Variants in FRMPD2 observed in about 807,000 individuals in gnomAD.
FRMPD2 encodes the protein FERM and PDZ domain-containing protein 2.
FRMPD2 carries 96 observed loss-of-function variants against 140.1 expected under a neutral mutation model. The ratio of observed to expected loss-of-function variants is 0.69; its 90% CI spans 0.58 to 0.81. The LOEUF (loss-of-function observed/expected upper bound fraction) is 0.81. Among genes scored for constraint, FRMPD2 ranks in the 40% least tolerant of loss-of-function variants. The probability of loss-of-function intolerance (pLI) is 0.00; values close to 1 mark genes in which losing one functional copy is unlikely to be tolerated. For missense variants in FRMPD2, 1,240 were observed against 1,447.4 expected (o/e 0.86, Z 2.32); for synonymous variants, 449 against 547.6 (o/e 0.82, Z 2.52).
chr10:48,188,342 C>T (rs568910692), intron 16 of FRMPD2, among the ~76,000 whole-genome samples: 126 of 152,094 alleles, frequency 8.3e-4, no homozygotes, highest in African/African-American at 1.4e-3. Flanking sequence ...AGAACAGGGG[C>T]GGTGGGGGGA....
intron 8 of FRMPD2, among the ~76,000 whole-genome samples, chr10:48,237,654 C>A (rs569763102): frequency 6.6e-6 from 1 of 152,118 alleles, no homozygotes; most frequent in Admixed American, 6.5e-5. Context: ...TGCAGAAGGC[C>A]CCTTCCAAAC....
At chr10:48,222,008 G>GGATA (rs1839602561) in intron 12 of FRMPD2, among the ~76,000 whole-genome samples, 2 of 151,002 alleles carry the variant, frequency 1.3e-5, no homozygotes. Context: ...ATGGATGGAT[G>GGATA]GATGGATGGA....
At chr10:48,158,658 C>T (rs1379927577) in intron 28 of FRMPD2, among the ~76,000 whole-genome samples, 1 of 147,650 alleles carries the variant, frequency 6.8e-6, no homozygotes, top group African/African-American at 2.5e-5. Flanking sequence ...TCAGCTTCTT[C>T]CTGCCCTCAC....
In FRMPD2 at chr10:48,260,161, TGATA is replaced by T. The variant is rs569972059; in HGVS notation, c.26-8474_26-8471del. 8.6e-5 allele frequency among the ~76,000 whole-genome samples: 13 copies of T among 151,910 alleles called. No individual in the cohort carries two copies. In the South Asian group the frequency reaches 1.0e-3, roughly 12 times the overall value. ...AATGGCTAAGAATAGATAGATAGAT[TGATA>T]GATAGATAGATCTATATATATATGT... On this transcript the variant is annotated intron_variant, in intron 1 of 28. Transcript: ENST00000374201.
Position 48,201,324 on chromosome 10 carries a change from A to C in FRMPD2, c.1858T>G (p.Ser620Ala). ...AGTAAGTATTTACTGGTCTTGGCTG[A>C]ATCTGTGACAAATGTGTGCTTCTTC... is the stretch of plus-strand genomic sequence containing the variant. The part of the protein sequence containing the change: ...TGKKHTFVTD[S>A]AKTSKYLLDL... Residue 620 changes from serine to alanine, a missense_variant, in exon 15 of 29, where the codon TCA (serine) becomes GCA (alanine). By Grantham distance (99) the Ser-to-Ala change is moderately conservative. Around this residue, in one of 6 missense-constraint regions of FRMPD2, gnomAD observed 1,161 missense variants for 1,055.9 expected, o/e 1.10. Transcript: ENST00000374201. 6.2e-7 allele frequency: 1 copy of C among 1,613,964 alleles called. No individual in the cohort carries two copies. The highest frequency in any genetic ancestry group is 8.5e-7 in the Non-Finnish European group (1 of 1,179,840).
At chr10:48,235,425 T>A (rs1398925345) in intron 9 of FRMPD2, among the ~76,000 whole-genome samples, 1 of 152,004 alleles carries the variant, frequency 6.6e-6, no homozygotes, top group Non-Finnish European at 1.5e-5. Context: ...AGGACTCAGG[T>A]GTAGAGGAAA....
At chr10:48,264,097 T>C (rs1441162333) in intron 1 of FRMPD2, among the ~76,000 whole-genome samples, 3 of 151,776 alleles carry the variant, frequency 2.0e-5, no homozygotes, top group African/African-American at 4.8e-5. Context: ...CAAATCATGA[T>C]TAAAAACTCT....
At chr10:48,222,249 T>C in intron 12 of FRMPD2, 64 bp downstream of exon 12, 1 of 1,546,946 alleles carries the variant, frequency 6.5e-7, no homozygotes, top group Non-Finnish European at 8.8e-7. Context: ...TACTAACACA[T>C]GCCCTCATCC....
At chr10:48,199,273 CAA>C (rs377604893) in intron 15 of FRMPD2, among the ~76,000 whole-genome samples, 15 of 119,574 alleles carry the variant, frequency 1.3e-4, no homozygotes, top group East Asian at 8.8e-4. Flanking sequence ...TGAGTTCAGG[CAA>C]AAAAAAAAAA....
chr10:48,262,906 G>A (rs1488467355), intron 1 of FRMPD2, among the ~76,000 whole-genome samples: 1 of 151,944 alleles, frequency 6.6e-6, no homozygotes, highest in East Asian at 1.9e-4. Flanking sequence ...CTCCCAAGTA[G>A]CTGAGATTAC....
intron 1 of FRMPD2, among the ~76,000 whole-genome samples, chr10:48,271,260 C>G (rs1840761743): frequency 1.3e-5 from 2 of 152,198 alleles, no homozygotes; most frequent in Admixed American, 6.5e-5. Context: ...CCTTCTTCCC[C>G]CACTGGCTGA....
At chr10:48,177,908 C>T in intron 22 of FRMPD2, 139 bp downstream of exon 22, 5 of 586,064 alleles carry the variant, frequency 8.5e-6, no homozygotes, top group East Asian at 3.1e-5. Flanking sequence ...AGTGCAGGCC[C>T]CCACTGGCTT....
In FRMPD2 at chr10:48,170,724, C is replaced by T. The variant is rs367836397; in HGVS notation, c.3438+270G>A. Among the ~76,000 whole-genome samples, 31 of 151,588 alleles carry T rather than the reference C, an allele frequency of 2.0e-4. 2 individuals are homozygous for T. The highest frequency in any genetic ancestry group is 1.5e-3 in the East Asian group (8 of 5,166). ...ACCTCCCAGGATGTGTGTGAAGAGA[C>T]GTCAGCCAGCACAAAGGCCAGGGCT... On this transcript the variant is annotated intron_variant, in intron 26 of 28. Coordinates refer to ENST00000374201, the MANE Select transcript of FRMPD2 (RefSeq NM_001018071.4).
chr10:48,235,314 G>A (rs544762194), intron 9 of FRMPD2, among the ~76,000 whole-genome samples: 4 of 152,334 alleles, frequency 2.6e-5, no homozygotes, highest in South Asian at 2.1e-4. Context: ...GCCCGTCAGC[G>A]TGTGCTGCAT....
chr10:48,160,225 T>C (rs1415784968), intron 28 of FRMPD2, among the ~76,000 whole-genome samples: 2 of 151,602 alleles, frequency 1.3e-5, no homozygotes, highest in Non-Finnish European at 2.9e-5. Flanking sequence ...AAGATATTTT[T>C]ATAAAGATCT....
intron 22 of FRMPD2, 177 bp downstream of exon 22, chr10:48,177,870 C>T (rs1838448510): frequency 4.0e-6 from 2 of 495,740 alleles, no homozygotes; most frequent in South Asian, 2.3e-5. Context: ...TTCCCCAGTA[C>T]CTCTGTTTGT....
chr10:48,207,256 T>G (rs1274855257), intron 13 of FRMPD2, among the ~76,000 whole-genome samples: 1 of 152,158 alleles, frequency 6.6e-6, no homozygotes, highest in East Asian at 1.9e-4. Flanking sequence ...CTGAACAAGT[T>G]TTTTAGAATT....
Position 48,184,843 on chromosome 10 carries a change from C to T in FRMPD2, c.2398G>A (p.Asp800Asn), listed in dbSNP as rs774036463. The change falls in exon 19 of 29, where the codon GAC becomes AAC. Residue 800 changes from aspartate to asparagine, a missense_variant. Transcript: ENST00000374201. The part of the protein sequence containing the change: ...INEGEYSGQA[D>N]PGIFISSIIP... Reference sequence around the variant, plus strand: ...ATAGAAGATATAAAAATGCCAGGGTCAGCTTGGCCTGAATACTCTCCCTCA... The same window carrying T: ...ATAGAAGATATAAAAATGCCAGGGTTAGCTTGGCCTGAATACTCTCCCTCA... 6.2e-7 allele frequency: 1 copy of T among 1,613,734 alleles called. No individual in the cohort carries two copies. Among genetic ancestry groups the T allele is most frequent in the East Asian group, 2.2e-5 (1 of 44,842 alleles).
At chr10:48,243,760 C>T (rs548339175) in intron 4 of FRMPD2, among the ~76,000 whole-genome samples, 4 of 151,974 alleles carry the variant, frequency 2.6e-5, no homozygotes, top group Admixed American at 2.6e-4. Flanking sequence ...AGGAAGAGCC[C>T]GGATGTTGAA....
Sources: gnomAD v4.1 joint callset for allele counts (sites outside exome capture counted in the v4.1 genomes callset) on GRCh38, gnomAD v4.1.1 for gene constraint, gnomAD v4.1.1 regional missense constraint, MANE v1.5 for transcripts, NCBI Gene and HGNC (gene_info 2026-07-23, HGNC 2026-07-21) for gene names.